Variants in FLNA observed in about 807,000 individuals in gnomAD.
The protein encoded by FLNA is filamin A.
FLNA carries 7 observed loss-of-function variants against 157.6 expected under a neutral mutation model. The observed-to-expected ratio is 0.04, with a 90% CI of 0.03 to 0.08. The LOEUF (loss-of-function observed/expected upper bound fraction) is 0.08. FLNA is among the 10% of genes least tolerant of loss of function. FLNA has a pLI of 1.00. For synonymous variants in FLNA, 1,103 were observed against 1,060.8 expected (o/e 1.04, Z -0.77); for missense variants, 1,750 against 2,398.4 (o/e 0.73, Z 5.65).
Position 154,366,598 on chromosome X carries a change from G to A in FLNA, c.1029C>T (p.Ser343=), listed in dbSNP as rs199853721. ...TANNDKNRTF[S]VWYVPEVTGT... ...CCGTCACCTCGGGGACGTACCAGAC[G>A]GAGAAGGTGCGGTTCTTGTCGTTAT... is the stretch of plus-strand genomic sequence containing the variant. The change falls in exon 7 of 48, where the codon TCC becomes TCT. Residue 343 remains serine (S), a synonymous_variant. Coordinates refer to ENST00000369850, the MANE Select transcript of FLNA (RefSeq NM_001110556.2). The A allele has an allele frequency of 1.5e-3, 1,851 of 1,210,788 alleles. 3 individuals carry two copies. Among genetic ancestry groups the A allele is most frequent in the Non-Finnish European group, 1.9e-3 (1,720 of 895,107 alleles).
intron 28 of FLNA, among the ~76,000 whole-genome samples, 190 bp downstream of exon 28, chrX:154,358,009 G>A (rs1487720842): frequency 1.6e-4 from 18 of 112,489 alleles, no homozygotes; most frequent in African/African-American, 5.8e-4. Context: ...GCAAGTGCAC[G>A]TCTGGGGAAG....
intron 45 of FLNA, 35 bp from the exon 46 acceptor site, chrX:154,349,902 G>C: frequency 8.4e-7 from 1 of 1,189,574 alleles, no homozygotes; most frequent in Non-Finnish European, 1.1e-6. Context: ...AGCCAGACTG[G>C]CCTGCCTCCC....
chrX:154,365,664 G>A (rs1171472246), intron 9 of FLNA, among the ~76,000 whole-genome samples, 178 bp from the exon 10 acceptor site: 1 of 111,603 alleles, frequency 9.0e-6, no homozygotes, highest in Non-Finnish European at 1.9e-5. Context: ...GCCAGGACAT[G>A]GCAGGCCTCC....
intron 26 of FLNA, 23 bp downstream of exon 26, chrX:154,358,961 G>A: frequency 8.3e-7 from 1 of 1,207,864 alleles, no homozygotes; most frequent in Non-Finnish European, 1.1e-6. Context: ...CTGACCCCTG[G>A]CTCCAGGCAT....
intron 15 of FLNA, among the ~76,000 whole-genome samples, chrX:154,363,655 G>A (rs2067731362): frequency 8.9e-6 from 1 of 111,813 alleles, no homozygotes; most frequent in Admixed American, 9.5e-5. Context: ...AGAGCCTGCA[G>A]TGAGCCGAGA....
Position 154,348,579 on chromosome X carries a change from G to A in FLNA, c.*270C>T, listed in dbSNP as rs1282481865. ...TCTTGGCTGGAGAAGAGAACTAGTGGGTGGTTGTGTACAGGACCCCCATCC... is the reference window on the plus strand; with the variant it reads ...TCTTGGCTGGAGAAGAGAACTAGTGAGTGGTTGTGTACAGGACCCCCATCC... On this transcript the variant is annotated 3_prime_UTR_variant, in exon 48 of 48. Transcript: ENST00000369850. 27 of 346,830 alleles carry A rather than the reference G, an allele frequency of 7.8e-5. No individual in the cohort carries two copies. The East Asian group carries it at 1.2e-3, about 16-fold the overall frequency. The allele number at this position is 346,830 out of a possible 1,213,427, so 28.6% of individuals were successfully genotyped here. A position where few individuals can be genotyped will look rare whatever the true frequency, so the allele number is the denominator to read the frequency against.
chrX:154,351,066 G>C, intron 43 of FLNA, 25 bp from the exon 44 acceptor site: 2 of 1,210,387 alleles, frequency 1.7e-6, no homozygotes, highest in Non-Finnish European at 2.2e-6. Context: ...GACATGGTTA[G>C]ATGGGGGTGC....
In FLNA at chrX:154,358,331, A is replaced by G. The variant is rs1355373474; in HGVS notation, c.4623T>C (p.Pro1541=). ...CCTTCACCTTGCTGGCATCATGAGTAGGCAGCACCTTGACCTTGAAGGGGC... is the reference window on the plus strand; with the variant it reads ...CCTTCACCTTGCTGGCATCATGAGTGGGCAGCACCTTGACCTTGAAGGGGC... ...PRSPFKVKVL[P]THDASKVKAS... Residue 1541 remains proline, a synonymous_variant, in exon 28 of 48, where the codon CCT becomes CCC. Coordinates refer to ENST00000369850, the MANE Select transcript of FLNA (RefSeq NM_001110556.2). 10 of 1,209,844 alleles carry G rather than the reference A, an allele frequency of 8.3e-6. No homozygotes were observed. The highest frequency in any genetic ancestry group is 1.1e-5 in the Non-Finnish European group (10 of 895,084).
In FLNA at chrX:154,367,921, C is replaced by G. The variant is rs201486643; in HGVS notation, c.543G>C (p.Pro181=). ...GGCTGAAGTTGGTGATGGGCAGCTG[C>G]GGCAGCTTGTTCTGGATCCAGCCCA... The part of the protein sequence containing the change: ...RLLGWIQNKL[P]QLPITNFSRD... The change falls in exon 3 of 48, where the codon CCG becomes CCC. Residue 181 remains proline (P), a synonymous_variant. Coordinates refer to ENST00000369850, the MANE Select transcript of FLNA (RefSeq NM_001110556.2). 2.1e-5 allele frequency: 25 copies of G among 1,209,388 alleles called. No homozygotes were observed. Among genetic ancestry groups the G allele is most frequent in the Non-Finnish European group, 2.5e-5 (22 of 895,026 alleles).
chrX:154,354,655 G>A lies in FLNA; in HGVS notation c.5274C>T (p.Ala1758=). ...CGCCCTGGGCGTAGGTGTACTGTGG[G>A]GCCAGCTGCTGAGACCGTAGAGGGG... ...VQPPLRSQQL[A]PQYTYAQGGQ... The change falls in exon 32 of 48, where the codon GCC becomes GCT. Residue 1758 remains alanine (A), a synonymous_variant. Coordinates refer to ENST00000369850, the MANE Select transcript of FLNA (RefSeq NM_001110556.2). The A allele has an allele frequency of 8.3e-7, 1 of 1,206,967 alleles. No individual in the cohort carries two copies.
At chrX:154,361,835 G>T in intron 19 of FLNA, 48 bp from the exon 20 acceptor site, 1 of 1,110,006 alleles carries the variant, frequency 9.0e-7, no homozygotes, top group Non-Finnish European at 1.2e-6. Flanking sequence ...CACCAGAATT[G>T]CTCCCCAACC....
In FLNA at chrX:154,367,883, C is replaced by T. The variant is rs1557179638; in HGVS notation, c.581G>A (p.Ser194Asn). 4 of 1,211,291 alleles carry T rather than the reference C, an allele frequency of 3.3e-6. No individual in the cohort carries two copies. The East Asian group carries it at 1.2e-4, about 36-fold the overall frequency. The change falls in exon 3 of 48, where the codon AGC (serine) becomes AAC (asparagine). Residue 194 changes from serine to asparagine, a missense_variant. Transcript: ENST00000369850. ...PITNFSRDWQ[S>N]GRALGALVDS... ...CACCAGGGCGCCCAGGGCCCGGCCG[C>T]TCTGCCAGTCCCGGCTGAAGTTGGT...
rs781784537 is a variant in FLNA, at chrX:154,368,101, A to G, written c.374-11T>C. 4.1e-6 allele frequency: 5 copies of G among 1,208,490 alleles called. No homozygotes were observed. The African/African-American group carries it at 8.8e-5, about 21-fold the overall frequency. On this transcript the variant is annotated splice_polypyrimidine_tract_variant and intron_variant, in intron 2 of 47. Transcript: ENST00000369850. ...CGATGGCCTTGCTGTCTGTGAGTAG[A>G]AGAGTGGCCACGCTGGGCACACGGC...
In FLNA at chrX:154,364,842, C is replaced by T. The variant is rs200116438; in HGVS notation, c.1807G>A (p.Gly603Arg). ...TTACCCAGCGTGCCCACGTCGTCCC[C>T]GATAGCCTCCACCACAAAGTCTGCT... ...KSADFVVEAIGDDVGTLGFSV... is the reference protein window; with the variant it reads ...KSADFVVEAIRDDVGTLGFSV... The change falls in exon 12 of 48, where the codon GGG becomes AGG. Residue 603 changes from glycine to arginine, a missense_variant. By Grantham distance (125) the Gly-to-Arg change is moderately radical. Coordinates refer to ENST00000369850, the MANE Select transcript of FLNA (RefSeq NM_001110556.2). The T allele has an allele frequency of 3.1e-5, 38 of 1,209,957 alleles. No individual in the cohort carries two copies. Among genetic ancestry groups the T allele is most frequent in the South Asian group, 2.1e-4 (12 of 56,812 alleles).
rs782785245 is a variant in FLNA, at chrX:154,352,917, A to G, written c.6234T>C (p.Gly2078=). ...GGCCCTCAATGGACAGGCTGAGCCC[A>G]CCATAGCCTAGGGGATGGATACCCC... ...FIIDTRDAGY[G]GLSLSIEGPS... The change falls in exon 39 of 48, where the codon GGT becomes GGC. Residue 2078 remains glycine (G), a synonymous_variant. Transcript: ENST00000369850. 5.8e-6 allele frequency: 7 copies of G among 1,211,589 alleles called. No individual in the cohort carries two copies. Among genetic ancestry groups the G allele is most frequent in the Non-Finnish European group, 6.7e-6 (6 of 895,405 alleles).
At chrX:154,351,733 C>A in intron 42 of FLNA, 37 bp from the exon 43 acceptor site, 1 of 1,117,365 alleles carries the variant, frequency 8.9e-7, no homozygotes, top group Non-Finnish European at 1.2e-6. Flanking sequence ...GCTCATCAGC[C>A]TTTGGGCCTC....
Position 154,350,215 on chromosome X carries a change from G to A in FLNA, c.7157-8C>T. 1 of 1,210,049 alleles carries A rather than the reference G, an allele frequency of 8.3e-7. No individual in the cohort carries two copies. ...AGCGCACAGCATACTTATCTGAGGA[G>A]CAGGGAGTCATGCTGTGGGCCTGGG... On this transcript the variant is annotated splice_polypyrimidine_tract_variant and splice_region_variant and intron_variant, in intron 44 of 47. Coordinates refer to ENST00000369850, the MANE Select transcript of FLNA (RefSeq NM_001110556.2).
At chrX:154,365,927 C>G (rs1441065568) in intron 9 of FLNA, 97 bp downstream of exon 9, 32 of 866,650 alleles carry the variant, frequency 3.7e-5, no homozygotes, top group Non-Finnish European at 5.1e-5. Flanking sequence ...GTAGGGGCCC[C>G]GGGGCGGGCT....
chrX:154,367,501 T>A lies in FLNA; in HGVS notation c.764A>T (p.His255Leu). ...CTGGGACAGGTAGGTCATGACAGAG[T>A]GCTCGTCCACGTTGGGGTCCACAAT... ...EEIVDPNVDE[H>L]SVMTYLSQFP... Residue 255 changes from histidine (H) to leucine (L), a missense_variant, in exon 5 of 48, where the codon CAC becomes CTC. Physicochemically the swap from His to Leu is moderately conservative, Grantham distance 99 (BLOSUM62 -3). Coordinates refer to ENST00000369850, the MANE Select transcript of FLNA (RefSeq NM_001110556.2). 2 of 1,210,908 alleles carry A rather than the reference T, an allele frequency of 1.7e-6. No homozygotes were observed. Among genetic ancestry groups the A allele is most frequent in the Non-Finnish European group, 2.2e-6 (2 of 895,192 alleles).
Sources: gnomAD v4.1 joint callset for allele counts (sites outside exome capture counted in the v4.1 genomes callset) on GRCh38, gnomAD v4.1.1 for gene constraint, MANE v1.5 for transcripts, NCBI Gene and HGNC (gene_info 2026-07-23, HGNC 2026-07-21) for gene names.